SLC3A2: variants seen among roughly 807,000 people sequenced by gnomAD.
The protein encoded by SLC3A2 is amino acid transporter heavy chain SLC3A2.
In SLC3A2, 32 loss-of-function variants were observed where a neutral mutation model predicts 48.5. That is an observed-to-expected ratio of 0.66 (90% CI 0.50 to 0.89). SLC3A2 has a LOEUF of 0.89. Ranked by LOEUF, SLC3A2 falls within the 40% of genes least tolerant of loss-of-function variation. SLC3A2 has a pLI of 0.00. For synonymous variants in SLC3A2, 277 were observed against 288.8 expected (o/e 0.96, Z 0.41); for missense variants, 587 against 680.7 (o/e 0.86, Z 1.53).
In SLC3A2 at chr11:62,888,048, T is replaced by G. The variant is rs1430790877; in HGVS notation, c.1144-87T>G. On this transcript the variant is annotated intron_variant, in intron 7 of 8. Coordinates refer to ENST00000338663, the MANE Select transcript of SLC3A2 (RefSeq NM_001013251.3). Reference sequence around the variant, plus strand: ...TGGGCTCAAGCAATCCTCTTGGCCTTGACCTCCCAGACTGCTGGAATTACA... The same window carrying G: ...TGGGCTCAAGCAATCCTCTTGGCCTGGACCTCCCAGACTGCTGGAATTACA... The G allele has an allele frequency of 1.2e-5, 15 of 1,217,846 alleles. No individual in the cohort carries two copies. In the Admixed American group the frequency reaches 1.6e-4, roughly 13 times the overall value. The allele number at this position is 1,217,846 out of a possible 1,614,324, so 75.4% of individuals were successfully genotyped here.
chr11:62,874,899 A>G (rs1028253023), intron 1 of SLC3A2, among the ~76,000 whole-genome samples: 2 of 151,676 alleles, frequency 1.3e-5, no homozygotes, highest in Non-Finnish European at 2.9e-5. Flanking sequence ...AGTAGCTGGG[A>G]TTACAGGCAC....
At chr11:62,859,997 G>A (rs2134970303) in intron 1 of SLC3A2, among the ~76,000 whole-genome samples, 1 of 152,310 alleles carries the variant, frequency 6.6e-6, no homozygotes, top group East Asian at 1.9e-4. Flanking sequence ...ACTGGTCTCT[G>A]AGTTCCCTCA....
chr11:62,862,092 G>A (rs1206351310), intron 1 of SLC3A2, among the ~76,000 whole-genome samples: 3 of 151,626 alleles, frequency 2.0e-5, no homozygotes, highest in South Asian at 2.1e-4. Flanking sequence ...CAAGGCAGGC[G>A]GATTACCTGA....
At chr11:62,863,187 C>T (rs533991046) in intron 1 of SLC3A2, among the ~76,000 whole-genome samples, 1 of 152,288 alleles carries the variant, frequency 6.6e-6, no homozygotes, top group African/African-American at 2.4e-5. Context: ...TCCTAAAGTG[C>T]TGGGATTACA....
intron 3 of SLC3A2, 99 bp from the exon 4 acceptor site, chr11:62,884,358 C>A: frequency 7.6e-7 from 1 of 1,314,402 alleles, no homozygotes; most frequent in Non-Finnish European, 1.1e-6. Flanking sequence ...CCCCAGCTCC[C>A]GGGGAAGTGT....
intron 1 of SLC3A2, among the ~76,000 whole-genome samples, chr11:62,861,497 G>T (rs2085397930): frequency 6.6e-6 from 1 of 152,170 alleles, no homozygotes; most frequent in Non-Finnish European, 1.5e-5. Flanking sequence ...CTGGGCTCAA[G>T]TGATTCTCCA....
chr11:62,883,848 A>G (rs2135014344), intron 3 of SLC3A2: 11 of 377,746 alleles, frequency 2.9e-5, no homozygotes, highest in South Asian at 2.1e-4. Flanking sequence ...GAAGTTCCAC[A>G]GTGTGTGCAG....
chr11:62,883,592 G>A (rs1239882492), intron 3 of SLC3A2: 2 of 204,288 alleles, frequency 9.8e-6, no homozygotes, highest in African/African-American at 4.6e-5. Flanking sequence ...GAACAAAAAT[G>A]GAAGCAGATA....
chr11:62,876,936 G>A, upstream of SLC3A2: 1 of 991,940 alleles, frequency 1.0e-6, no homozygotes, highest in East Asian at 1.1e-4. Flanking sequence ...ACAAGTCTTG[G>A]TTTGTTTTCC....
chr11:62,881,200 G>C lies in SLC3A2; in HGVS notation c.177G>C (p.Lys59Asn). ...AGGCGGAGGCGGCAGCCGCGGCTAA[G>C]TTCACGGGCCTGTCCAAGGAGGAGC... ...EDEAEAAAAAKFTGLSKEELL... is the reference protein window; with the variant it reads ...EDEAEAAAAANFTGLSKEELL... The change falls in exon 1 of 9, where the codon AAG (lysine) becomes AAC (asparagine). Residue 59 changes from lysine (K) to asparagine (N), a missense_variant. By Grantham distance (94) the Lys-to-Asn change is moderately conservative. Transcript: ENST00000338663. This position sits in a 1 kb window ranked among gnomAD's most constrained non-coding sequence, Gnocchi z 4.0. The C allele has an allele frequency of 6.3e-7, 1 of 1,592,048 alleles. No individual in the cohort carries two copies. The highest frequency in any genetic ancestry group is 1.3e-5 in the African/African-American group (1 of 74,986).
At position 62,888,429 on chromosome 11, in the gene SLC3A2, G is replaced by A. The variant is rs138892942; in HGVS notation, c.1326G>A (p.Ala442=). The A allele has an allele frequency of 1.5e-4, 242 of 1,614,082 alleles. No individual in the cohort carries two copies. Among genetic ancestry groups the A allele is most frequent in the Middle Eastern group, 1.2e-3 (7 of 6,084 alleles). Reference sequence around the variant, plus strand: ...CCCTACTGCATGGGGACTTCCACGCGTTCTCCGCTGGGCCTGGACTCTTCT... The same window carrying A: ...CCCTACTGCATGGGGACTTCCACGCATTCTCCGCTGGGCCTGGACTCTTCT... ...ERSLLHGDFH[A]FSAGPGLFSY... is the part of the protein sequence containing the mutation. The change falls in exon 9 of 9, where the codon GCG becomes GCA. Residue 442 remains alanine, a synonymous_variant. Transcript: ENST00000338663.
Position 62,881,346 on chromosome 11 carries a change from G to C in SLC3A2, c.323G>C (p.Arg108Pro), listed in dbSNP as rs755583735. Residue 108 changes from arginine (R) to proline (P), a missense_variant, in exon 1 of 9, where the codon CGT (arginine) becomes CCT (proline). Physicochemically the swap from Arg to Pro is moderately radical, Grantham distance 103. Transcript: ENST00000338663. The surrounding 1 kb of genome is among the most constrained non-coding windows in gnomAD (Gnocchi z 4.0). ...GAVVIIVRAP[R>P]CRELPAQKWW... ...GTGGTCATAATCGTGCGAGCGCCGC[G>C]TTGTCGCGAGCTACCGGCGCAGAAG... The C allele has an allele frequency of 2.1e-5, 33 of 1,592,618 alleles. No homozygotes were observed. The highest frequency in any genetic ancestry group is 9.1e-5 in the East Asian group (4 of 43,860).
intron 1 of SLC3A2, among the ~76,000 whole-genome samples, chr11:62,865,798 A>C (rs1039929752): frequency 6.6e-6 from 1 of 152,042 alleles, no homozygotes; most frequent in Non-Finnish European, 1.5e-5. Context: ...CCCCTGCAAC[A>C]TTGACAGTTT....
intron 2 of SLC3A2, chr11:62,882,325 A>C: frequency 2.4e-6 from 1 of 415,596 alleles, no homozygotes; most frequent in Non-Finnish European, 4.4e-6. Flanking sequence ...TATTTACTAA[A>C]CCAGTGGTTT....
chr11:62,877,470 T>A (rs1391382316), upstream of SLC3A2, among the ~76,000 whole-genome samples: 2 of 152,192 alleles, frequency 1.3e-5, no homozygotes, highest in South Asian at 2.1e-4. Context: ...AATAGGCAGG[T>A]TCGTCCACAA....
chr11:62,881,843 T>C lies in SLC3A2; in HGVS notation c.425-50T>C. ...GCTGGGAGAAGGGAGGGTGGGGAGG[T>C]CAGGGGCCTCTCAGAGGGGCCTCAC... is the stretch of plus-strand genomic sequence containing the variant. On this transcript the variant is annotated intron_variant, in intron 1 of 8. Coordinates refer to ENST00000338663, the MANE Select transcript of SLC3A2 (RefSeq NM_001013251.3). This position sits in a 1 kb window ranked among gnomAD's most constrained non-coding sequence, Gnocchi z 4.0. 2.5e-6 allele frequency: 4 copies of C among 1,592,534 alleles called. No homozygotes were observed. Among genetic ancestry groups the C allele is most frequent in the Non-Finnish European group, 3.4e-6 (4 of 1,165,298 alleles).
In SLC3A2 at chr11:62,888,124, C is replaced by A; in HGVS notation, c.1144-11C>A. 1 of 1,611,934 alleles carries A rather than the reference C, an allele frequency of 6.2e-7. No homozygotes were observed. The highest frequency in any genetic ancestry group is 8.5e-7 in the Non-Finnish European group (1 of 1,178,818). On this transcript the variant is annotated splice_polypyrimidine_tract_variant and intron_variant, in intron 7 of 8. Transcript: ENST00000338663. ...AGGCCTTTTTAAAGTCCTATTTTCTCTGCTTTTCAGCCTATGGAGGCTCCA... is the reference window on the plus strand; with the variant it reads ...AGGCCTTTTTAAAGTCCTATTTTCTATGCTTTTCAGCCTATGGAGGCTCCA...
intron 1 of SLC3A2, among the ~76,000 whole-genome samples, chr11:62,862,369 A>T (rs1242401344): frequency 7.1e-6 from 1 of 141,500 alleles, no homozygotes; most frequent in East Asian, 2.0e-4. Context: ...CCCTGCTTCT[A>T]ACAGGGCCAA....
In SLC3A2 at chr11:62,881,555, C is replaced by G; in HGVS notation, c.424+108C>G. 7.1e-7 allele frequency: 1 copy of G among 1,417,986 alleles called. No homozygotes were observed. The highest frequency in any genetic ancestry group is 9.3e-7 in the Non-Finnish European group (1 of 1,077,436). 87.8% of individuals were successfully genotyped at this position (1,417,986 alleles called of 1,614,324 possible). A position where few individuals can be genotyped will look rare whatever the true frequency, so the allele number is the denominator to read the frequency against. Reference sequence around the variant, plus strand: ...ATCTAGATGGTTCTTCCCTCCATCCCGTACCGACGACTGTTCCCCCTTCCC... The same window carrying G: ...ATCTAGATGGTTCTTCCCTCCATCCGGTACCGACGACTGTTCCCCCTTCCC... On this transcript the variant is annotated intron_variant, in intron 1 of 8. Transcript: ENST00000338663. This position sits in a 1 kb window ranked among gnomAD's most constrained non-coding sequence, Gnocchi z 4.0.
Sources: allele counts gnomAD v4.1 joint callset (sites outside exome capture counted in the v4.1 genomes callset), GRCh38; gene constraint gnomAD v4.1.1; non-coding constraint Gnocchi (gnomAD v3.1); transcripts MANE v1.5; gene names NCBI Gene and HGNC (gene_info 2026-07-23, HGNC 2026-07-21).